The following POC1B variants were observed in gnomAD, a reference collection of about 807,000 sequenced individuals.
POC1B encodes POC1 centriolar protein homolog B.
A neutral mutation model predicts 60.6 loss-of-function variants in POC1B; 44 were observed. The ratio of observed to expected loss-of-function variants is 0.73; its 90% CI spans 0.57 to 0.93. The LOEUF is 0.93. Among genes scored for constraint, POC1B ranks in the 40% least tolerant of loss-of-function variants. The pLI is 0.00. For missense variants in POC1B, 555 were observed against 572.3 expected (o/e 0.97, Z 0.31); for synonymous variants, 180 against 198.9 (o/e 0.90, Z 0.80).
Position 89,470,500 on chromosome 12 carries a change from T to A in POC1B, c.677-6A>T. ...ATTAACTCCACCGCTGTGAACTGAT[T>A]TGTAGAAAATAAAAGCAAAAAGTTC... On this transcript the variant is annotated splice_polypyrimidine_tract_variant and splice_region_variant and intron_variant, in intron 6 of 11. Coordinates refer to ENST00000313546, the MANE Select transcript of POC1B (RefSeq NM_172240.3). 2 of 1,585,824 alleles carry A rather than the reference T, an allele frequency of 1.3e-6. No individual in the cohort carries two copies. The highest frequency in any genetic ancestry group is 1.3e-5 in the African/African-American group (1 of 74,338).
intron 2 of POC1B, chr12:89,502,694 T>C: frequency 7.5e-7 from 1 of 1,338,504 alleles, no homozygotes; most frequent in Non-Finnish European, 1.1e-6. Context: ...ATATAACACA[T>C]TGGATACACC....
At chr12:89,404,540 G>T in the POC1B span, among the ~76,000 whole-genome samples, 1 of 152,122 alleles carries the variant, frequency 6.6e-6, no homozygotes, top group Non-Finnish European at 1.5e-5. Context: ...GGAGTCCTGT[G>T]GCTGGAGGTA....
At chr12:89,524,365 G>A (rs1240201120) in intron 2 of POC1B, 3 of 1,613,996 alleles carry the variant, frequency 1.9e-6, no homozygotes, top group Non-Finnish European at 1.7e-6. Flanking sequence ...CTTATAAAGC[G>A]GTCGAGACAA....
chr12:89,449,549 A>G lies in POC1B; in HGVS notation c.1113+10089T>C, dbSNP rs187983261. 1.9e-3 allele frequency among the ~76,000 whole-genome samples: 293 copies of G among 152,322 alleles called. 1 individual carries two copies. Among genetic ancestry groups the G allele is most frequent in the Admixed American group, 5.3e-3 (81 of 15,296 alleles). On this transcript the variant is annotated intron_variant, in intron 10 of 11. Transcript: ENST00000313546. Reference sequence around the variant, plus strand: ...GAAACAATTCCCTAAATATAATACTACATTCCTAGACAAGCAACTCAAATT... The same window carrying G: ...GAAACAATTCCCTAAATATAATACTGCATTCCTAGACAAGCAACTCAAATT...
At chr12:89,408,359 C>A in the POC1B span, among the ~76,000 whole-genome samples, 2 of 152,124 alleles carry the variant, frequency 1.3e-5, no homozygotes, top group Non-Finnish European at 2.9e-5. Flanking sequence ...ATTTCTAGTT[C>A]TAGTTCCTTG....
intron 2 of POC1B, among the ~76,000 whole-genome samples, chr12:89,512,031 G>A (rs989694491): frequency 2.0e-5 from 3 of 152,206 alleles, no homozygotes; most frequent in Admixed American, 2.0e-4. Context: ...TCCAGCGTGG[G>A]TGACAGAGTA....
chr12:89,503,261 C>A (rs980464763), intron 2 of POC1B, among the ~76,000 whole-genome samples: 1 of 149,330 alleles, frequency 6.7e-6, no homozygotes, highest in South Asian at 2.2e-4. Context: ...ATTGCAGGCA[C>A]GCGCCGCCAC....
intron 2 of POC1B, among the ~76,000 whole-genome samples, chr12:89,517,779 A>G (rs1033307180): frequency 2.6e-5 from 4 of 152,216 alleles, no homozygotes; most frequent in African/African-American, 9.7e-5. Context: ...TCTTCATACC[A>G]TCTTATGAAG....
chr12:89,523,025 G>C, intron 2 of POC1B: 1 of 1,613,396 alleles, frequency 6.2e-7, no homozygotes, highest in Non-Finnish European at 8.5e-7. Context: ...TAATTTTTTT[G>C]CTCAGGTACC....
At chr12:89,412,346 GTTTCTTT>G in the POC1B span, among the ~76,000 whole-genome samples, 2 of 137,586 alleles carry the variant, frequency 1.5e-5, no homozygotes, top group African/African-American at 2.6e-5. Flanking sequence ...CTTTTTCTTT[GTTTCTTT>G]TTTCTTTTTT....
intron 2 of POC1B, chr12:89,501,729 C>G (rs907169834): frequency 3.3e-6 from 3 of 916,326 alleles, no homozygotes; most frequent in Non-Finnish European, 5.4e-6. Context: ...CTGTTTATAG[C>G]AATTCTTCAA....
At chr12:89,459,284 T>C (rs867131578) in intron 10 of POC1B, among the ~76,000 whole-genome samples, 9 of 151,138 alleles carry the variant, frequency 6.0e-5, no homozygotes, top group Admixed American at 2.0e-4. Flanking sequence ...GGGGGAGGGA[T>C]AGCATTAGGA....
the POC1B span, among the ~76,000 whole-genome samples, chr12:89,412,632 G>T: frequency 6.6e-6 from 1 of 150,490 alleles, no homozygotes; most frequent in East Asian, 2.0e-4. Flanking sequence ...AGCCGAGATC[G>T]CACCAATGCA....
At chr12:89,516,746 A>T (rs1870459137) in intron 2 of POC1B, among the ~76,000 whole-genome samples, 1 of 151,838 alleles carries the variant, frequency 6.6e-6, no homozygotes, top group South Asian at 2.1e-4. Context: ...GCCGGGCCAC[A>T]CTCTCTCCAA....
intron 4 of POC1B, chr12:89,472,842 T>C (rs192767825): frequency 2.8e-4 from 42 of 152,636 alleles, no homozygotes; most frequent in African/African-American, 9.9e-4. Flanking sequence ...GGACAATTCA[T>C]TTATACAGAA....
chr12:89,466,372 AT>A (rs966792231), intron 9 of POC1B, among the ~76,000 whole-genome samples: 13 of 151,498 alleles, frequency 8.6e-5, no homozygotes, highest in African/African-American at 1.7e-4. Flanking sequence ...TGTCCATAAG[AT>A]TTTTTTTTGC....
intron 2 of POC1B, chr12:89,521,649 C>A (rs1023553883): frequency 4.1e-5 from 8 of 196,776 alleles, no homozygotes; most frequent in Admixed American, 1.8e-4. Context: ...CCAAACACAT[C>A]ATAATAACTT....
At chr12:89,462,323 G>C (rs1882511872) in intron 9 of POC1B, among the ~76,000 whole-genome samples, 1 of 152,136 alleles carries the variant, frequency 6.6e-6, no homozygotes, top group African/African-American at 2.4e-5. Context: ...TTAATAATTA[G>C]AGCTGCCTTG....
At chr12:89,525,667 G>T (rs1871409351) in intron 1 of POC1B, 1 of 1,259,618 alleles carries the variant, frequency 7.9e-7, no homozygotes, top group Non-Finnish European at 1.0e-6. Flanking sequence ...CGGAACTCGG[G>T]GAAGAGCGTC....
Sources: allele counts gnomAD v4.1 joint callset (sites outside exome capture counted in the v4.1 genomes callset), GRCh38; gene constraint gnomAD v4.1.1; transcripts MANE v1.5; gene names NCBI Gene and HGNC (gene_info 2026-07-23, HGNC 2026-07-21).